KLK13: variants seen among roughly 807,000 people sequenced by gnomAD.
KLK13 encodes the protein kallikrein related peptidase 13, also known as kallikrein-13.
KLK13 carries 19 observed loss-of-function variants against 22.4 expected under a neutral mutation model. The ratio of observed to expected loss-of-function variants is 0.85; its 90% CI spans 0.59 to 1.24. The LOEUF is 1.24. Ranked by LOEUF, KLK13 falls within the 50% of genes most tolerant of loss-of-function variation. The pLI, the probability that KLK13 is intolerant of heterozygous loss-of-function variation, is 0.00. For missense variants in KLK13, 311 were observed against 347.9 expected (o/e 0.89, Z 0.84); for synonymous variants, 156 against 141.8 (o/e 1.10, Z -0.71).
At chr19:51,063,995 G>T (rs1202469581) in intron 1 of KLK13, 3 of 364,196 alleles carry the variant, frequency 8.2e-6, no homozygotes, top group Non-Finnish European at 1.6e-5. Context: ...ACAGTGGCCG[G>T]TGTTTAATAG....
intron 4 of KLK13, among the ~76,000 whole-genome samples, chr19:51,057,912 A>G (rs1470657295): frequency 6.6e-6 from 1 of 152,214 alleles, no homozygotes; most frequent in African/African-American, 2.4e-5. Flanking sequence ...GGCTTGGCCC[A>G]TCAGAGAATC....
chr19:51,058,892 TGGAGGGAAGGACAA>T (rs955057820), intron 3 of KLK13, among the ~76,000 whole-genome samples: 3 of 149,470 alleles, frequency 2.0e-5, no homozygotes, highest in Non-Finnish European at 3.0e-5. Flanking sequence ...AGGAGAAAAG[TGGAGGGAAGGACAA>T]GGAGGGAAGG....
Position 51,058,676 on chromosome 19 carries a change from T to G in KLK13, c.509-2A>C. On this transcript the variant is annotated splice_acceptor_variant, in intron 3 of 4. Transcript: ENST00000595793. LOFTEE classifies it high-confidence loss of function. ...ATTGTAGAGTTTTGGGGTAATTCAC[T>G]GGGGAGAAGAAAGAGAAGGTCTAAG... is the stretch of plus-strand genomic sequence containing the variant. 6.2e-7 allele frequency: 1 copy of G among 1,614,000 alleles called. No individual in the cohort carries two copies. The highest frequency in any genetic ancestry group is 1.3e-5 in the African/African-American group (1 of 74,964).
intron 4 of KLK13, 30 bp from the exon 5 acceptor site, chr19:51,056,805 G>A (rs769381716): frequency 6.4e-7 from 1 of 1,574,280 alleles, no homozygotes; most frequent in Admixed American, 1.7e-5. Flanking sequence ...AGAGAGAGAG[G>A]TGGGTCCTTG....
At chr19:51,064,136 G>A (rs73049032) in intron 1 of KLK13, among the ~76,000 whole-genome samples, 16,771 of 152,142 alleles carry the variant, frequency 0.11, 1,072 homozygotes, top group Middle Eastern at 0.2. Context: ...ACATAGGTTT[G>A]GGGTCAACCC....
In KLK13 at chr19:51,060,484, C is replaced by G. The variant is rs1286724269; in HGVS notation, c.188G>C (p.Gly63Ala). ...GACCCATTTGGGGTGGACCAGGACT[C>G]CCCCACAGAGTAGCCGCCCTTGCAC... ...LLVQGRLLCG[G>A]VLVHPKWVLT... is the part of the protein sequence containing the mutation. The change falls in exon 2 of 5, where the codon GGA becomes GCA. Residue 63 changes from glycine to alanine, a missense_variant. Transcript: ENST00000595793. The G allele has an allele frequency of 6.2e-7, 1 of 1,613,742 alleles. No individual in the cohort carries two copies. The highest frequency in any genetic ancestry group is 8.5e-7 in the Non-Finnish European group (1 of 1,179,858).
At chr19:51,056,906 G>T in intron 4 of KLK13, 131 bp from the exon 5 acceptor site, 1 of 662,688 alleles carries the variant, frequency 1.5e-6, no homozygotes, top group South Asian at 1.9e-5. Context: ...CAGAGAGGCA[G>T]AGTCAGACAC....
chr19:51,065,101 C>CG (rs1555792158), upstream of KLK13: 5 of 431,726 alleles, frequency 1.2e-5, no homozygotes, highest in Non-Finnish European at 1.8e-5. Context: ...GCAGGGCGGG[C>CG]GGGGCCTGAG....
intron 1 of KLK13, 112 bp downstream of exon 1, chr19:51,064,904 C>G: frequency 3.5e-6 from 3 of 862,260 alleles, no homozygotes; most frequent in Non-Finnish European, 5.3e-6. Flanking sequence ...GACCCGGCCC[C>G]GAGTGGGCGG....
At chr19:51,063,281 T>C (rs1282287765) in intron 1 of KLK13, among the ~76,000 whole-genome samples, 1 of 152,214 alleles carries the variant, frequency 6.6e-6, no homozygotes, top group East Asian at 1.9e-4. Context: ...TTGTGCAGGA[T>C]TTATTTCCTT....
intron 1 of KLK13, among the ~76,000 whole-genome samples, chr19:51,061,214 C>T (rs569165403): frequency 1.4e-5 from 2 of 148,144 alleles, no homozygotes; most frequent in Admixed American, 6.7e-5. Context: ...TCCATCCATC[C>T]ATCCATCCAT....
At chr19:51,062,200 T>C (rs886413844) in intron 1 of KLK13, among the ~76,000 whole-genome samples, 1 of 152,218 alleles carries the variant, frequency 6.6e-6, no homozygotes, top group African/African-American at 2.4e-5. Context: ...GGATATTTCA[T>C]ATATACATAT....
At position 51,060,482 on chromosome 19, in the gene KLK13, C is replaced by A. The variant is rs745445383; in HGVS notation, c.190G>T (p.Val64Phe). The A allele has an allele frequency of 2.3e-5, 37 of 1,613,706 alleles. No individual in the cohort carries two copies. The highest frequency in any genetic ancestry group is 3.1e-5 in the Non-Finnish European group (37 of 1,179,854). Reference protein sequence around the residue: ...LVQGRLLCGGVLVHPKWVLTA... With the variant: ...LVQGRLLCGGFLVHPKWVLTA... ...AGGACCCATTTGGGGTGGACCAGGA[C>A]TCCCCCACAGAGTAGCCGCCCTTGC... The change falls in exon 2 of 5, where the codon GTC (valine) becomes TTC (phenylalanine). Residue 64 changes from valine to phenylalanine, a missense_variant. Coordinates refer to ENST00000595793, the MANE Select transcript of KLK13 (RefSeq NM_015596.3).
intron 1 of KLK13, among the ~76,000 whole-genome samples, chr19:51,062,630 A>C (rs1437866062): frequency 6.6e-6 from 1 of 152,164 alleles, no homozygotes; most frequent in African/African-American, 2.4e-5. Context: ...GACAGGGAGA[A>C]TCCAATCCTG....
At chr19:51,063,302 T>C (rs1283377323) in intron 1 of KLK13, among the ~76,000 whole-genome samples, 1 of 152,236 alleles carries the variant, frequency 6.6e-6, no homozygotes, top group Non-Finnish European at 1.5e-5. Context: ...CCTTACCTTC[T>C]ATTTATGACA....
rs2091769007 is a variant in KLK13, at chr19:51,065,028, C to G, written c.40G>C (p.Ala14Pro). ...CGCGCATTCTTACCTCCTGACAAGGCCAAGGTCAGGGAGGCGATCACTAGG... is the reference window on the plus strand; with the variant it reads ...CGCGCATTCTTACCTCCTGACAAGGGCAAGGTCAGGGAGGCGATCACTAGG... ...LALVIASLTL[A>P]LSGGVSQESS... Residue 14 changes from alanine to proline, a missense_variant, in exon 1 of 5, where the codon GCC becomes CCC. By Grantham distance (27) the Ala-to-Pro change is conservative (BLOSUM62 -1). Coordinates refer to ENST00000595793, the MANE Select transcript of KLK13 (RefSeq NM_015596.3). The G allele has an allele frequency of 6.4e-7, 1 of 1,556,458 alleles. No homozygotes were observed. Among genetic ancestry groups the G allele is most frequent in the African/African-American group, 1.4e-5 (1 of 73,690 alleles).
At position 51,056,760 on chromosome 19, in the gene KLK13, G is replaced by A. The variant is rs1345613212; in HGVS notation, c.661C>T (p.Pro221Ser). The change falls in exon 5 of 5, where the codon CCC becomes TCC. Residue 221 changes from proline (P) to serine (S), a missense_variant. Coordinates refer to ENST00000595793, the MANE Select transcript of KLK13 (RefSeq NM_015596.3). Reference protein sequence around the residue: ...KDSCEGDSGGPLVCNRTLYGI... With the variant: ...KDSCEGDSGGSLVCNRTLYGI... The stretch of plus-strand genomic sequence containing the variant: ...TACAGTGTTCTGTTACAGACCAGGG[G>A]GCCCCCAGAGTCACCCTGAGTTGGG... 1 of 1,613,560 alleles carries A rather than the reference G, an allele frequency of 6.2e-7. No homozygotes were observed. The highest frequency in any genetic ancestry group is 1.7e-5 in the Admixed American group (1 of 59,946).
intron 1 of KLK13, chr19:51,063,449 T>C (rs1252695789): frequency 3.0e-6 from 1 of 333,824 alleles, no homozygotes; most frequent in East Asian, 7.9e-5. Context: ...GAGCCTCAAG[T>C]CCAGGATATG....
chr19:51,062,057 T>A (rs1169434601), intron 1 of KLK13, among the ~76,000 whole-genome samples: 3 of 152,250 alleles, frequency 2.0e-5, no homozygotes, highest in Admixed American at 6.5e-5. Context: ...TAGCTACATG[T>A]GGCTATTTAA....
Sources: allele counts gnomAD v4.1 joint callset (sites outside exome capture counted in the v4.1 genomes callset), GRCh38; gene constraint gnomAD v4.1.1; transcripts MANE v1.5; gene names NCBI Gene and HGNC (gene_info 2026-07-23, HGNC 2026-07-21).